Variants in TMEM50A observed in about 807,000 individuals in gnomAD.
The protein encoded by TMEM50A is transmembrane protein 50A.
A neutral mutation model predicts 23.9 loss-of-function variants in TMEM50A; 8 were observed. That is an observed-to-expected ratio of 0.33 (90% confidence interval 0.20 to 0.60). The LOEUF (loss-of-function observed/expected upper bound fraction) is 0.60, where lower values mean the gene tolerates loss of function less well. Ranked by LOEUF, TMEM50A falls within the 20% of genes least tolerant of loss-of-function variation. The pLI is 0.81. For synonymous variants in TMEM50A, 55 were observed against 60.4 expected, an observed-to-expected ratio of 0.91 and a Z score of 0.41; for missense variants, 178 against 192.7, an observed-to-expected ratio of 0.92 and a Z score of 0.45.
At chr1:25,359,001 C>T (rs948074510) in intron 6 of TMEM50A, among the ~76,000 whole-genome samples, 12 of 152,202 alleles carry the variant, frequency 7.9e-5, no homozygotes, top group African/African-American at 2.2e-4. Context: ...GCGATCTGCC[C>T]GCCTTGGCCT....
rs1645337312 is a variant in TMEM50A, at chr1:25,356,792, GA to G, written c.372del (p.Asp125ThrfsTer2). ...WILFGGYVAKEKDIVYPGIAV... is the reference protein window; with the variant it reads ...WILFGGYVAKXKDIVYPGIAV... ...TCTAAACACTGCAATTATTTTTACA[GA>G]AAAAGACATAGTATACCCTGGAATT... On this transcript the variant is annotated frameshift_variant and splice_region_variant, in exon 6 of 7. Coordinates refer to ENST00000374358, the MANE Select transcript of TMEM50A (RefSeq NM_014313.4). LOFTEE classifies it high-confidence loss of function. 6.3e-7 allele frequency: 1 copy of G among 1,577,872 alleles called. No homozygotes were observed. Among genetic ancestry groups the G allele is most frequent in the African/African-American group, 1.4e-5 (1 of 72,636 alleles).
chr1:25,346,091 A>G (rs1006774503), intron 3 of TMEM50A, among the ~76,000 whole-genome samples: 5 of 151,998 alleles, frequency 3.3e-5, no homozygotes, highest in Non-Finnish European at 7.4e-5. Flanking sequence ...CCCGGCCGAT[A>G]TGTTTTCTTA....
intron 5 of TMEM50A, among the ~76,000 whole-genome samples, chr1:25,353,996 T>A (rs1044560379): frequency 2.6e-5 from 4 of 151,974 alleles, no homozygotes; most frequent in Admixed American, 2.0e-4. Flanking sequence ...ATTTTAATTA[T>A]TTTTTTTATT....
intron 3 of TMEM50A, among the ~76,000 whole-genome samples, chr1:25,345,725 G>A (rs571241204): frequency 2.0e-5 from 3 of 152,150 alleles, no homozygotes; most frequent in African/African-American, 7.2e-5. Context: ...CAGCCTGGGC[G>A]ACAGAGGGAG....
At position 25,347,260 on chromosome 1, in the gene TMEM50A, G is replaced by C. The variant is rs577330040; in HGVS notation, c.206+4187G>C. ...ACCTTTTTTTTTTTCTTTTGAGATA[G>C]GCTCTTGCTCTGTTGCCCAGGCTGG... is the stretch of plus-strand genomic sequence containing the variant. On this transcript the variant is annotated intron_variant, in intron 3 of 6. Coordinates refer to ENST00000374358, the MANE Select transcript of TMEM50A (RefSeq NM_014313.4). Among the ~76,000 whole-genome samples, 175 of 151,114 alleles carry C rather than the reference G, an allele frequency of 1.2e-3. 2 individuals are homozygous for C. Among genetic ancestry groups the C allele is most frequent in the Non-Finnish European group, 2.1e-3 (145 of 67,852 alleles).
At chr1:25,353,060 T>C (rs1194306949) in intron 5 of TMEM50A, 86 bp downstream of exon 5, 2 of 1,302,802 alleles carry the variant, frequency 1.5e-6, no homozygotes, top group East Asian at 2.4e-5. Flanking sequence ...AAAATTTTTT[T>C]CCTATAGTTG....
intron 2 of TMEM50A, among the ~76,000 whole-genome samples, chr1:25,340,950 C>T (rs1246335810): frequency 2.0e-5 from 3 of 152,102 alleles, no homozygotes; most frequent in Non-Finnish European, 2.9e-5. Context: ...TAACTTTCTT[C>T]TCAGTCTCAG....
rs938916412 is a variant in TMEM50A, at chr1:25,361,391, A to C, written c.*686A>C. On this transcript the variant is annotated 3_prime_UTR_variant, in exon 7 of 7. Transcript: ENST00000374358. Reference sequence around the variant, plus strand: ...GACACGTGGTTCTGGTGGGATGCACAGTCACTCCACATCCACCATTGAAGG... The same window carrying C: ...GACACGTGGTTCTGGTGGGATGCACCGTCACTCCACATCCACCATTGAAGG... 1 of 152,268 alleles carries C rather than the reference A, an allele frequency of 6.6e-6. No individual in the cohort carries two copies. Among genetic ancestry groups the C allele is most frequent in the Non-Finnish European group, 1.5e-5 (1 of 68,122 alleles). The allele number at this position is 152,268 out of a possible 1,614,324, so 9.4% of individuals were successfully genotyped here. A position where few individuals can be genotyped will look rare whatever the true frequency, so the allele number is the denominator to read the frequency against.
At chr1:25,345,787 T>C (rs550428624) in intron 3 of TMEM50A, among the ~76,000 whole-genome samples, 2 of 148,350 alleles carry the variant, frequency 1.3e-5, no homozygotes, top group African/African-American at 5.3e-5. Flanking sequence ...AGTTTGTTTA[T>C]TTATTTATTT....
At chr1:25,343,958 T>C (rs1277632745) in intron 3 of TMEM50A, among the ~76,000 whole-genome samples, 1 of 152,168 alleles carries the variant, frequency 6.6e-6, no homozygotes, top group East Asian at 1.9e-4. Context: ...ATAAGAACTT[T>C]ACTTTCAGCT....
At chr1:25,344,928 C>T (rs565415575) in intron 3 of TMEM50A, among the ~76,000 whole-genome samples, 1 of 151,262 alleles carries the variant, frequency 6.6e-6, no homozygotes, top group South Asian at 2.1e-4. Flanking sequence ...TATTTTTTTC[C>T]CAAATTCTCA....
At chr1:25,353,835 C>A (rs1374802127) in intron 5 of TMEM50A, among the ~76,000 whole-genome samples, 1 of 151,984 alleles carries the variant, frequency 6.6e-6, no homozygotes, top group Non-Finnish European at 1.5e-5. Context: ...AAAACTGGAC[C>A]AGGTTATATA....
Position 25,338,367 on chromosome 1 carries a change from G to C in TMEM50A, c.-103G>C, listed in dbSNP as rs1645122292. On this transcript the variant is annotated 5_prime_UTR_variant, in exon 1 of 7. Transcript: ENST00000374358. ...ATCCGGGTGTCTGGAGGCTGTGGCCGTTTTGTTTTCTTGGCTAAAATCGGG... is the reference window on the plus strand; with the variant it reads ...ATCCGGGTGTCTGGAGGCTGTGGCCCTTTTGTTTTCTTGGCTAAAATCGGG... 6.5e-6 allele frequency: 1 copy of C among 152,912 alleles called. No homozygotes were observed. The highest frequency in any genetic ancestry group is 2.4e-5 in the African/African-American group (1 of 41,392). 9.5% of individuals were successfully genotyped at this position (152,912 alleles called of 1,614,324 possible).
At position 25,360,897 on chromosome 1, in the gene TMEM50A, TA is replaced by T. The variant is rs1399723747; in HGVS notation, c.*194del. The stretch of plus-strand genomic sequence containing the variant: ...AAATCTATTGTGGTATGCACTTGAT[TA>T]ACTTATAAAATGTTAGAGGAAACTT... On this transcript the variant is annotated 3_prime_UTR_variant, in exon 7 of 7. Transcript: ENST00000374358. The T allele has an allele frequency of 2.2e-6, 1 of 452,988 alleles. No individual in the cohort carries two copies. The highest frequency in any genetic ancestry group is 3.9e-6 in the Non-Finnish European group (1 of 258,606). 28.1% of individuals were successfully genotyped at this position (452,988 alleles called of 1,614,324 possible). A position where few individuals can be genotyped will look rare whatever the true frequency, so the allele number is the denominator to read the frequency against.
chr1:25,340,952 C>G (rs1571795420), intron 2 of TMEM50A, among the ~76,000 whole-genome samples: 1 of 152,098 alleles, frequency 6.6e-6, no homozygotes, highest in Non-Finnish European at 1.5e-5. Flanking sequence ...ACTTTCTTCT[C>G]AGTCTCAGGG....
intron 2 of TMEM50A, among the ~76,000 whole-genome samples, chr1:25,341,681 T>G (rs1309205372): frequency 6.6e-6 from 1 of 151,990 alleles, no homozygotes; most frequent in African/African-American, 2.4e-5. Context: ...ACCAAGCCAT[T>G]TTTTCTTAAG....
rs1412374469 is a variant in TMEM50A, at chr1:25,361,855, T to G, written c.*1150T>G. Reference sequence around the variant, plus strand: ...CTTGCTGTCATCCCACATGAACTCCTGATGTTTTTTCTACAAAAGTCCATA... The same window carrying G: ...CTTGCTGTCATCCCACATGAACTCCGGATGTTTTTTCTACAAAAGTCCATA... On this transcript the variant is annotated 3_prime_UTR_variant, in exon 7 of 7. Coordinates refer to ENST00000374358, the MANE Select transcript of TMEM50A (RefSeq NM_014313.4). 1.3e-5 allele frequency: 2 copies of G among 157,038 alleles called. No individual in the cohort carries two copies. Among genetic ancestry groups the G allele is most frequent in the South Asian group, 3.7e-4 (2 of 5,368 alleles). The allele number at this position is 157,038 out of a possible 1,614,324, so 9.7% of individuals were successfully genotyped here.
chr1:25,343,680 C>T (rs946161511), intron 3 of TMEM50A, among the ~76,000 whole-genome samples: 7 of 152,022 alleles, frequency 4.6e-5, no homozygotes, highest in Non-Finnish European at 1.0e-4. Context: ...GTGTGAGCCA[C>T]CACACGTGGC....
At chr1:25,348,662 C>T (rs570116931) in intron 3 of TMEM50A, among the ~76,000 whole-genome samples, 2 of 137,432 alleles carry the variant, frequency 1.5e-5, no homozygotes, top group South Asian at 2.3e-4. Flanking sequence ...TCCAGCCTGG[C>T]GATAGAGCAA....
Sources: gnomAD v4.1 joint callset for allele counts (sites outside exome capture counted in the v4.1 genomes callset) on GRCh38, gnomAD v4.1.1 for gene constraint, MANE v1.5 for transcripts, NCBI Gene and HGNC (gene_info 2026-07-23, HGNC 2026-07-21) for gene names.